Variants in CTNNA2 observed in about 807,000 individuals in gnomAD.
The protein encoded by CTNNA2 is catenin alpha-2.
A neutral mutation model predicts 101.0 loss-of-function variants in CTNNA2; 42 were observed. The observed-to-expected ratio is 0.42, with a 90% confidence interval of 0.32 to 0.54. CTNNA2 has a LOEUF of 0.54. CTNNA2 is among the 20% of genes least tolerant of loss of function. The probability of loss-of-function intolerance (pLI) is 0.14; values close to 1 mark genes in which losing one functional copy is unlikely to be tolerated. For synonymous variants in CTNNA2, 450 were observed against 456.4 expected, an observed-to-expected ratio of 0.99 and a Z score of 0.18; for missense variants, 871 against 1,223.1, an observed-to-expected ratio of 0.71 and a Z score of 4.29.
chr2:79,510,674 G>A (rs1233507615), upstream of CTNNA2, among the ~76,000 whole-genome samples: 1 of 152,208 alleles, frequency 6.6e-6, no homozygotes, highest in Non-Finnish European at 1.5e-5. Context: ...ACAGTTTGAT[G>A]TATTTTGAAG....
intron 7 of CTNNA2, among the ~76,000 whole-genome samples, chr2:80,006,303 A>C (rs407631): frequency 0.88 from 132,764 of 150,512 alleles, 58,851 homozygotes; most frequent in African/African-American, 0.93. Flanking sequence ...ATTTAAAATG[A>C]TACATTTTGC....
intron 6 of CTNNA2, among the ~76,000 whole-genome samples, chr2:79,897,126 T>G (rs960337860): frequency 1.3e-5 from 2 of 152,270 alleles, no homozygotes; most frequent in African/African-American, 4.8e-5. Flanking sequence ...CTTTATTCCC[T>G]TATGAATTTT....
At chr2:79,527,819 A>G (rs1672507782) in intron 1 of CTNNA2, among the ~76,000 whole-genome samples, 2 of 152,212 alleles carry the variant, frequency 1.3e-5, no homozygotes, top group Admixed American at 1.3e-4. Flanking sequence ...TTAGATGTGT[A>G]TTAAGGAGCT....
intron 3 of CTNNA2, among the ~76,000 whole-genome samples, chr2:79,368,580 C>T (rs539114149): frequency 3.9e-5 from 6 of 152,302 alleles, no homozygotes; most frequent in South Asian, 2.1e-4. Flanking sequence ...ATGCTTCCCC[C>T]GAACCACCAT....
intron 4 of CTNNA2, among the ~76,000 whole-genome samples, chr2:79,469,735 C>T (rs1670978188): frequency 6.6e-6 from 1 of 152,102 alleles, no homozygotes; most frequent in Admixed American, 6.6e-5. Flanking sequence ...ATATGCAAAT[C>T]AATAAACATA....
chr2:79,517,203 A>G (rs1671854102), intron 1 of CTNNA2, among the ~76,000 whole-genome samples: 1 of 152,168 alleles, frequency 6.6e-6, no homozygotes, highest in Admixed American at 6.5e-5. Context: ...ATTTTGAAAA[A>G]TTTATCCATA....
chr2:80,520,560 G>T (rs1212571082), intron 9 of CTNNA2, among the ~76,000 whole-genome samples: 1 of 152,076 alleles, frequency 6.6e-6, no homozygotes, highest in Admixed American at 6.6e-5. Flanking sequence ...GCCTTTTTCC[G>T]GAGTTGCAGG....
At chr2:79,480,492 A>T (rs908418668) in intron 4 of CTNNA2, among the ~76,000 whole-genome samples, 4 of 152,096 alleles carry the variant, frequency 2.6e-5, no homozygotes, top group African/African-American at 7.2e-5. Flanking sequence ...CCCTTAAATT[A>T]TTGGTTCTAT....
intron 7 of CTNNA2, among the ~76,000 whole-genome samples, chr2:80,049,393 T>C (rs183569493): frequency 6.6e-6 from 1 of 152,236 alleles, no homozygotes; most frequent in Non-Finnish European, 1.5e-5. Context: ...TTAAATAATA[T>C]AACAAACACA....
At chr2:79,917,041 G>C (rs1027985983) in intron 7 of CTNNA2, among the ~76,000 whole-genome samples, 2 of 151,928 alleles carry the variant, frequency 1.3e-5, no homozygotes, top group Admixed American at 1.3e-4. Context: ...CCGCCTCTCA[G>C]GTTCAAGCAA....
intron 2 of CTNNA2, among the ~76,000 whole-genome samples, chr2:79,235,305 G>A (rs1285467206): frequency 6.6e-6 from 1 of 152,026 alleles, no homozygotes; most frequent in Non-Finnish European, 1.5e-5. Context: ...AAATATTTTA[G>A]TGTTGTATTT....
At chr2:79,429,415 T>C (rs149861808) in intron 4 of CTNNA2, among the ~76,000 whole-genome samples, 2 of 152,268 alleles carry the variant, frequency 1.3e-5, no homozygotes, top group East Asian at 3.9e-4. Context: ...GGAATAAACA[T>C]GCAGTCAGCT....
chr2:79,517,813 T>C (rs1052420391), intron 1 of CTNNA2, among the ~76,000 whole-genome samples: 20 of 152,220 alleles, frequency 1.3e-4, no homozygotes. Context: ...AGGGCTTTAC[T>C]ATTGAACACT....
intron 7 of CTNNA2, among the ~76,000 whole-genome samples, chr2:80,010,856 A>G (rs956254531): frequency 1.3e-5 from 2 of 152,108 alleles, no homozygotes; most frequent in Admixed American, 6.6e-5. Context: ...AACTTTTTCC[A>G]GAATCTTTGC....
chr2:80,035,132 G>A (rs1695565552), intron 7 of CTNNA2, among the ~76,000 whole-genome samples: 1 of 152,106 alleles, frequency 6.6e-6, no homozygotes, highest in African/African-American at 2.4e-5. Flanking sequence ...GTGTTATTTT[G>A]GGTAAATCTC....
chr2:79,381,698 C>T (rs545188821), intron 4 of CTNNA2, among the ~76,000 whole-genome samples: 1 of 152,278 alleles, frequency 6.6e-6, no homozygotes, highest in South Asian at 2.1e-4. Context: ...TCAGAGGCTC[C>T]AGCAGCATAT....
chr2:79,403,134 C>T (rs1360813074), intron 4 of CTNNA2, among the ~76,000 whole-genome samples: 1 of 151,490 alleles, frequency 6.6e-6, no homozygotes, highest in Non-Finnish European at 1.5e-5. Context: ...ATAAAGAAAA[C>T]ATTATTGGAT....
At chr2:79,336,315 C>G (rs1309047406) in intron 3 of CTNNA2, among the ~76,000 whole-genome samples, 2 of 152,152 alleles carry the variant, frequency 1.3e-5, no homozygotes, top group Non-Finnish European at 2.9e-5. Flanking sequence ...TTGCAATATT[C>G]CTTCGTGTGT....
chr2:79,487,543 G>A (rs1265598745), intron 4 of CTNNA2, among the ~76,000 whole-genome samples: 1 of 152,142 alleles, frequency 6.6e-6, no homozygotes, highest in Admixed American at 6.5e-5. Context: ...CAGATAGCAC[G>A]CTGGGAGTTG....
Sources: allele counts gnomAD v4.1 joint callset (sites outside exome capture counted in the v4.1 genomes callset), GRCh38; gene constraint gnomAD v4.1.1; transcripts MANE v1.5; gene names NCBI Gene and HGNC (gene_info 2026-07-23, HGNC 2026-07-21).